Variants in NSRP1 observed in about 807,000 individuals in gnomAD.
NSRP1 encodes the protein coiled-coil domain containing 55.
Under a neutral mutation model 54.7 loss-of-function variants are expected in NSRP1, and 24 were observed. The observed-to-expected ratio is 0.44, with a 90% CI of 0.32 to 0.62. The LOEUF (loss-of-function observed/expected upper bound fraction) is 0.62, where lower values mean the gene tolerates loss of function less well. Among genes scored for constraint, NSRP1 ranks in the 20% least tolerant of loss-of-function variants. The pLI is 0.06. For synonymous variants in NSRP1, 210 were observed against 213.8 expected (o/e 0.98, Z 0.15); for missense variants, 596 against 651.2 (o/e 0.92, Z 0.92).
chr17:30,142,007 A>T lies in NSRP1; in HGVS notation c.114+23834A>T, dbSNP rs562090337. 6.6e-5 allele frequency among the ~76,000 whole-genome samples: 10 copies of T among 152,242 alleles called. No homozygotes were observed. The South Asian group carries it at 1.2e-3, about 19-fold the overall frequency. ...CAACAGAGTGAGACTGTCTCAAAAA[A>T]TTTTTTTAAATGTGAATATCTTTAG... is the stretch of plus-strand genomic sequence containing the variant. On this transcript the variant is annotated intron_variant, in intron 2 of 6. Transcript: ENST00000247026.
intron 2 of NSRP1, among the ~76,000 whole-genome samples, chr17:30,121,388 G>A (rs896358095): frequency 6.7e-6 from 1 of 150,028 alleles, no homozygotes; most frequent in Non-Finnish European, 1.5e-5. Context: ...CGATACCACA[G>A]AAATAAGTAG....
intron 2 of NSRP1, chr17:30,150,690 T>G (rs1316067224): frequency 7.7e-6 from 1 of 130,662 alleles, no homozygotes; most frequent in Non-Finnish European, 1.6e-5. Flanking sequence ...GTTGGTTTTT[T>G]TTTTTTTTTT....
intron 2 of NSRP1, among the ~76,000 whole-genome samples, chr17:30,142,524 G>T (rs1394074945): frequency 6.6e-6 from 1 of 151,568 alleles, no homozygotes; most frequent in Non-Finnish European, 1.5e-5. Flanking sequence ...TAGAAATGAA[G>T]TCTTGCTATG....
intron 2 of NSRP1, among the ~76,000 whole-genome samples, chr17:30,157,596 G>A (rs1904352652): frequency 6.6e-6 from 1 of 152,078 alleles, no homozygotes. Context: ...ATAAGTTCCA[G>A]TGTTGGATAG....
At chr17:30,136,878 A>G (rs957159249) in intron 2 of NSRP1, among the ~76,000 whole-genome samples, 6 of 152,198 alleles carry the variant, frequency 3.9e-5, no homozygotes, top group African/African-American at 1.4e-4. Context: ...TTGTACATAC[A>G]TCATATTTTA....
At chr17:30,165,312 C>T (rs866137484) in intron 2 of NSRP1, among the ~76,000 whole-genome samples, 1 of 152,114 alleles carries the variant, frequency 6.6e-6, no homozygotes, top group Admixed American at 6.5e-5. Context: ...CACATACATG[C>T]ACAGATGTGT....
chr17:30,154,699 G>A (rs574056147), intron 2 of NSRP1: 5 of 151,048 alleles, frequency 3.3e-5, no homozygotes, highest in African/African-American at 1.2e-4. Flanking sequence ...GCAACAGAGT[G>A]AGACCCTGTC....
At chr17:30,132,390 T>C (rs2071708760) in intron 2 of NSRP1, among the ~76,000 whole-genome samples, 1 of 151,858 alleles carries the variant, frequency 6.6e-6, no homozygotes, top group Non-Finnish European at 1.5e-5. Context: ...CCGTCTCTAC[T>C]AAAAAATAAA....
intron 2 of NSRP1, chr17:30,127,843 T>G (rs1209275471): frequency 2.5e-6 from 1 of 396,382 alleles, no homozygotes. Context: ...TTATTTTTTT[T>G]CATTTTTTGA....
At chr17:30,148,503 A>C (rs1342785260) in intron 2 of NSRP1, among the ~76,000 whole-genome samples, 1 of 152,230 alleles carries the variant, frequency 6.6e-6, no homozygotes, top group African/African-American at 2.4e-5. Context: ...CATTTCATTC[A>C]GGGCTACATA....
intron 2 of NSRP1, chr17:30,168,145 TGGAATAA>T (rs1355563104): frequency 6.6e-6 from 1 of 152,192 alleles, no homozygotes; most frequent in African/African-American, 2.4e-5. Flanking sequence ...TATTAAAGTT[TGGAATAA>T]GAGTACCTGA....
intron 4 of NSRP1, among the ~76,000 whole-genome samples, chr17:30,178,614 G>A (rs1429035382): frequency 1.3e-5 from 2 of 151,936 alleles, no homozygotes; most frequent in Non-Finnish European, 2.9e-5. Flanking sequence ...ATTTGGGAGG[G>A]GTAAAAACTG....
intron 2 of NSRP1, among the ~76,000 whole-genome samples, chr17:30,130,205 C>A (rs559545313): frequency 1.2e-3 from 189 of 152,248 alleles, no homozygotes; most frequent in African/African-American, 4.4e-3. Context: ...AAGCAATTCT[C>A]CCACCTCAGC....
chr17:30,168,714 TAGA>T (rs929374343), intron 2 of NSRP1: 1 of 151,516 alleles, frequency 6.6e-6, no homozygotes, highest in Admixed American at 6.6e-5. Flanking sequence ...TTATGTTATA[TAGA>T]AGATCATTTT....
chr17:30,184,681 A>G lies in NSRP1; in HGVS notation c.684A>G (p.Pro228=). The G allele has an allele frequency of 4.3e-6, 7 of 1,611,622 alleles. No individual in the cohort carries two copies. Among genetic ancestry groups the G allele is most frequent in the Non-Finnish European group, 5.9e-6 (7 of 1,179,142 alleles). The stretch of plus-strand genomic sequence containing the variant: ...AAGTAAGTTCAAAAAACAGAATACC[A>G]CAAGAGAAATGCATTCTTCAAACTG... ...SNEVSSKNRI[P]QEKCILQTDV... is the part of the protein sequence containing the mutation. Residue 228 remains proline (P), a synonymous_variant, in exon 7 of 7, where the codon CCA becomes CCG. Transcript: ENST00000247026.
intron 2 of NSRP1, among the ~76,000 whole-genome samples, chr17:30,169,521 A>G (rs924181658): frequency 7.2e-5 from 11 of 152,092 alleles, no homozygotes; most frequent in African/African-American, 2.4e-4. Context: ...AATATTAACT[A>G]TTACTTTCAG....
chr17:30,124,660 A>C (rs907541167), intron 2 of NSRP1, among the ~76,000 whole-genome samples: 9 of 152,234 alleles, frequency 5.9e-5, no homozygotes, highest in Admixed American at 1.3e-4. Flanking sequence ...TGGGGACCAG[A>C]GTTACCTGGT....
intron 2 of NSRP1, among the ~76,000 whole-genome samples, chr17:30,119,221 C>G (rs1282685269): frequency 6.6e-6 from 1 of 152,008 alleles, no homozygotes; most frequent in Non-Finnish European, 1.5e-5. Flanking sequence ...TCCTGAGTAG[C>G]TGGGGTTACA....
chr17:30,174,926 G>T (rs750622069), intron 3 of NSRP1, among the ~76,000 whole-genome samples: 4 of 152,274 alleles, frequency 2.6e-5, no homozygotes, highest in Middle Eastern at 3.4e-3. Flanking sequence ...AAGTGAGACT[G>T]GGCAGAATAG....
Sources: gnomAD v4.1 joint callset for allele counts (sites outside exome capture counted in the v4.1 genomes callset) on GRCh38, gnomAD v4.1.1 for gene constraint, MANE v1.5 for transcripts, NCBI Gene and HGNC (gene_info 2026-07-23, HGNC 2026-07-21) for gene names.